EVA1A: variants seen among roughly 807,000 people sequenced by gnomAD.
EVA1A encodes the protein eva-1 homolog A, regulator of programmed cell death, also known as protein eva-1 homolog A.
A neutral mutation model predicts 9.8 loss-of-function variants in EVA1A; 7 were observed. That is an observed-to-expected ratio of 0.71 (90% CI 0.41 to 1.34). EVA1A has a LOEUF of 1.34. Among genes scored for constraint, EVA1A ranks in the 40% most tolerant of loss-of-function variants. The pLI, the probability that EVA1A is intolerant of heterozygous loss-of-function variation, is 0.01. For missense variants in EVA1A, 206 were observed against 205.9 expected (o/e 1.00, Z 0.00); for synonymous variants, 90 against 85.6 (o/e 1.05, Z -0.28).
intron 1 of EVA1A, among the ~76,000 whole-genome samples, chr2:75,557,551 C>A (rs947935149): frequency 6.6e-6 from 1 of 152,228 alleles, no homozygotes; most frequent in Non-Finnish European, 1.5e-5. Context: ...ATTGGTTTCA[C>A]CAATATTTAT....
intron 1 of EVA1A, among the ~76,000 whole-genome samples, chr2:75,538,182 C>A (rs185508580): frequency 6.6e-6 from 1 of 152,016 alleles, no homozygotes; most frequent in Non-Finnish European, 1.5e-5. Flanking sequence ...CCCAGTTTCT[C>A]GGGAGGCTGA....
At chr2:75,559,717 T>TG (rs1457049048) in intron 1 of EVA1A, among the ~76,000 whole-genome samples, 11 of 52,826 alleles carry the variant, frequency 2.1e-4, no homozygotes, top group South Asian at 7.3e-4. Context: ...GCGGGGGAGT[T>TG]GGGGGGACGG....
chr2:75,558,044 A>G (rs1321835587), intron 1 of EVA1A, among the ~76,000 whole-genome samples: 2 of 152,238 alleles, frequency 1.3e-5, no homozygotes, highest in Non-Finnish European at 2.9e-5. Flanking sequence ...CCTACCGCTC[A>G]TTAGCTCCAT....
At chr2:75,512,257 A>G (rs1316690921) in intron 3 of EVA1A, among the ~76,000 whole-genome samples, 1 of 152,206 alleles carries the variant, frequency 6.6e-6, no homozygotes, top group Non-Finnish European at 1.5e-5. Flanking sequence ...ATTATAAACT[A>G]TCATATTCTG....
intron 1 of EVA1A, among the ~76,000 whole-genome samples, chr2:75,554,003 C>A (rs1355878380): frequency 6.6e-6 from 1 of 152,214 alleles, no homozygotes; most frequent in Non-Finnish European, 1.5e-5. Flanking sequence ...CTTCCAGTAA[C>A]AGGCCCTACC....
At chr2:75,540,740 C>T (rs1290195992) in intron 1 of EVA1A, 2 of 152,152 alleles carry the variant, frequency 1.3e-5, no homozygotes, top group African/African-American at 2.4e-5. Flanking sequence ...TTTCTGCAGT[C>T]CCCAAACTAC....
chr2:75,565,195 C>T (rs1159657763), upstream of EVA1A, among the ~76,000 whole-genome samples: 2 of 152,260 alleles, frequency 1.3e-5, no homozygotes, highest in Admixed American at 6.5e-5. Context: ...GCACGATACA[C>T]TCAGCTCTCA....
intron 3 of EVA1A, among the ~76,000 whole-genome samples, chr2:75,508,296 G>C (rs1247175389): frequency 1.1e-4 from 17 of 152,142 alleles, no homozygotes; most frequent in Non-Finnish European, 1.5e-5. Flanking sequence ...GCAGAACAGA[G>C]CCATATTTCT....
chr2:75,550,088 T>A (rs1199879539), intron 1 of EVA1A, among the ~76,000 whole-genome samples: 1 of 152,144 alleles, frequency 6.6e-6, no homozygotes, highest in Non-Finnish European at 1.5e-5. Flanking sequence ...AAAAACATCT[T>A]CTGGGATGGC....
chr2:75,493,659 A>T, intron 3 of EVA1A, 50 bp from the exon 4 acceptor site: 1 of 1,501,568 alleles, frequency 6.7e-7, no homozygotes, highest in Non-Finnish European at 8.9e-7. Flanking sequence ...ACAACTCCAT[A>T]TGCAGAGATC....
At chr2:75,543,527 C>CA (rs1054025583) in intron 1 of EVA1A, among the ~76,000 whole-genome samples, 7 of 151,436 alleles carry the variant, frequency 4.6e-5, no homozygotes, top group African/African-American at 7.3e-5. Context: ...GAAAAAAAAA[C>CA]AAAAAAAACC....
At chr2:75,497,730 A>G (rs888866483) in intron 3 of EVA1A, among the ~76,000 whole-genome samples, 1 of 151,262 alleles carries the variant, frequency 6.6e-6, no homozygotes, top group African/African-American at 2.4e-5. Flanking sequence ...GCACACCTGT[A>G]GTCCCAGCTA....
chr2:75,501,881 T>C (rs1674438043), intron 3 of EVA1A, among the ~76,000 whole-genome samples: 1 of 152,124 alleles, frequency 6.6e-6, no homozygotes, highest in Non-Finnish European at 1.5e-5. Context: ...CATGAAGCCT[T>C]GAAGAGAACC....
At chr2:75,545,347 G>A (rs2103952126) in intron 1 of EVA1A, among the ~76,000 whole-genome samples, 1 of 152,326 alleles carries the variant, frequency 6.6e-6, no homozygotes, top group South Asian at 2.1e-4. Context: ...TGTGTCCCTT[G>A]CTCCTGGAAT....
chr2:75,540,049 C>A (rs1261789040), intron 1 of EVA1A, among the ~76,000 whole-genome samples: 2 of 152,184 alleles, frequency 1.3e-5, no homozygotes, highest in Non-Finnish European at 2.9e-5. Context: ...TTCCTCTTTT[C>A]ACTACCTTGC....
At chr2:75,529,016 T>C (rs189032726) in intron 1 of EVA1A, among the ~76,000 whole-genome samples, 208 of 152,280 alleles carry the variant, frequency 1.4e-3, no homozygotes, top group African/African-American at 4.9e-3. Context: ...ACCAATGCAC[T>C]AAACAAAACT....
upstream of EVA1A, among the ~76,000 whole-genome samples, chr2:75,561,832 G>A (rs533717655): frequency 3.1e-4 from 47 of 152,334 alleles, no homozygotes; most frequent in African/African-American, 1.1e-3. Flanking sequence ...GTTAGGAAAG[G>A]AGAGGAGCTC....
At chr2:75,497,338 A>C (rs949016734) in intron 3 of EVA1A, among the ~76,000 whole-genome samples, 1 of 152,194 alleles carries the variant, frequency 6.6e-6, no homozygotes, top group Non-Finnish European at 1.5e-5. Flanking sequence ...TTGAGTAAGC[A>C]AAAAATAACT....
intron 3 of EVA1A, among the ~76,000 whole-genome samples, chr2:75,494,667 C>T (rs184934152): frequency 6.7e-4 from 102 of 152,308 alleles, no homozygotes; most frequent in African/African-American, 2.4e-3. Flanking sequence ...CTTGCAGTGG[C>T]CTGTGAGAAA....
Sources: gnomAD v4.1 joint callset for allele counts (sites outside exome capture counted in the v4.1 genomes callset) on GRCh38, gnomAD v4.1.1 for gene constraint, MANE v1.5 for transcripts, NCBI Gene and HGNC (gene_info 2026-07-23, HGNC 2026-07-21) for gene names.